The following FAM185A variants were observed in gnomAD, a reference collection of about 807,000 sequenced individuals.
FAM185A encodes family with sequence similarity 185 member A, also known as protein FAM185A.
FAM185A carries 21 observed loss-of-function variants against 45.7 expected under a neutral mutation model. That is an observed-to-expected ratio of 0.46 (90% CI 0.33 to 0.66). FAM185A has a LOEUF of 0.66. Ranked by LOEUF, FAM185A falls within the 30% of genes least tolerant of loss-of-function variation. The probability of loss-of-function intolerance (pLI) is 0.03; values close to 1 mark genes in which losing one functional copy is unlikely to be tolerated. For missense variants in FAM185A, 305 were observed against 485.4 expected (o/e 0.63, Z 3.49); for synonymous variants, 117 against 194.0 (o/e 0.60, Z 3.30).
chr7:102,803,496 A>G (rs1796919503), intron 7 of FAM185A, among the ~76,000 whole-genome samples: 1 of 152,236 alleles, frequency 6.6e-6, no homozygotes, highest in Admixed American at 6.5e-5. Context: ...TTATGATTAA[A>G]ACTCTCAGCA....
At chr7:102,774,129 C>T (rs1794915066) in intron 5 of FAM185A, among the ~76,000 whole-genome samples, 1 of 152,100 alleles carries the variant, frequency 6.6e-6, no homozygotes, top group Admixed American at 6.6e-5. Context: ...TAATTTTTCT[C>T]AGCATTGCTT....
At chr7:102,758,544 C>G (rs1444898289) in intron 3 of FAM185A, among the ~76,000 whole-genome samples, 2 of 142,812 alleles carry the variant, frequency 1.4e-5, no homozygotes, top group Non-Finnish European at 3.0e-5. Context: ...GGTTATTTAG[C>G]ATAGTATTAA....
At chr7:102,797,497 GT>G (rs926316242) in intron 7 of FAM185A, among the ~76,000 whole-genome samples, 19 of 152,292 alleles carry the variant, frequency 1.2e-4, no homozygotes, top group African/African-American at 4.1e-4. Context: ...AAAAAAGAAC[GT>G]TGACAAAATT....
chr7:102,800,919 T>G (rs191631502), intron 7 of FAM185A, among the ~76,000 whole-genome samples: 236 of 152,306 alleles, frequency 1.5e-3, no homozygotes, highest in Admixed American at 3.1e-3. Flanking sequence ...GATCTTCTCG[T>G]AGGCACATTG....
chr7:102,792,659 A>G (rs1189948944), intron 7 of FAM185A, among the ~76,000 whole-genome samples: 2 of 127,360 alleles, frequency 1.6e-5, no homozygotes, highest in Non-Finnish European at 3.3e-5. Flanking sequence ...CAGTGAACGG[A>G]TTGGTGTTTG....
intron 7 of FAM185A, among the ~76,000 whole-genome samples, chr7:102,788,988 C>A (rs1795990655): frequency 6.6e-6 from 1 of 152,136 alleles, no homozygotes; most frequent in African/African-American, 2.4e-5. Context: ...CTGAGTGAGT[C>A]AGTATGATGA....
intron 7 of FAM185A, among the ~76,000 whole-genome samples, chr7:102,800,104 C>G (rs1393251378): frequency 6.6e-6 from 1 of 152,148 alleles, no homozygotes; most frequent in Admixed American, 6.5e-5. Context: ...CCCGTACCAG[C>G]CCAGAGCCTG....
chr7:102,749,613 A>G lies in FAM185A; in HGVS notation c.406A>G (p.Ile136Val), dbSNP rs1449324151. The change falls in exon 1 of 8, where the codon ATC (isoleucine) becomes GTC (valine). Residue 136 changes from isoleucine to valine, a missense_variant. Physicochemically the swap from Ile to Val is conservative, Grantham distance 29 (BLOSUM62 3). This residue lies in a region of FAM185A where 174 missense variants were observed against 247.1 expected (regional missense o/e 0.70). Coordinates refer to ENST00000413034, the MANE Select transcript of FAM185A (RefSeq NM_001145268.2). ...GGAGATGGCCATTGTGTCTGATACTATCCACCCCCAGGCGTCCGTGGAGGT... is the reference window on the plus strand; with the variant it reads ...GGAGATGGCCATTGTGTCTGATACTGTCCACCCCCAGGCGTCCGTGGAGGT... ...LEEMAIVSDT[I>V]HPQASVEVNA... The G allele has an allele frequency of 5.3e-6, 8 of 1,511,356 alleles. No homozygotes were observed. The highest frequency in any genetic ancestry group is 4.9e-5 in the East Asian group (2 of 40,700). The allele number at this position is 1,511,356 out of a possible 1,614,324, so 93.6% of individuals were successfully genotyped here.
At chr7:102,793,472 G>A (rs1218930693) in intron 7 of FAM185A, among the ~76,000 whole-genome samples, 1 of 152,072 alleles carries the variant, frequency 6.6e-6, no homozygotes, top group Non-Finnish European at 1.5e-5. Context: ...GCCTCCCAAA[G>A]TGCTGGGATT....
At chr7:102,808,060 C>CAAACAAAACAAAACA (rs769123850) in intron 7 of FAM185A, among the ~76,000 whole-genome samples, 6 of 152,238 alleles carry the variant, frequency 3.9e-5, no homozygotes, top group African/African-American at 1.4e-4. Context: ...CACTATGTCT[C>CAAACAAAACAAAACA]AAACAAAACA....
intron 4 of FAM185A, among the ~76,000 whole-genome samples, chr7:102,763,214 G>A (rs1794209542): frequency 6.6e-6 from 1 of 152,146 alleles, no homozygotes; most frequent in African/African-American, 2.4e-5. Flanking sequence ...AAAGTACTTA[G>A]GTCTGTTGAT....
chr7:102,801,539 G>A (rs186959508), intron 7 of FAM185A, among the ~76,000 whole-genome samples: 1 of 152,148 alleles, frequency 6.6e-6, no homozygotes, highest in Non-Finnish European at 1.5e-5. Context: ...TAAAGGGGTG[G>A]AAAAAGGCAT....
At chr7:102,832,094 C>T in the FAM185A span, among the ~76,000 whole-genome samples, 6 of 152,214 alleles carry the variant, frequency 3.9e-5, no homozygotes, top group East Asian at 3.9e-4. Flanking sequence ...AAAATACCAG[C>T]GATGGTTATG....
At chr7:102,772,581 G>T in intron 5 of FAM185A, 131 bp downstream of exon 5, 1 of 545,804 alleles carries the variant, frequency 1.8e-6, no homozygotes, top group Non-Finnish European at 3.1e-6. Flanking sequence ...GTCAAATATA[G>T]GCAGAACCAA....
In FAM185A at chr7:102,808,801, T is replaced by G. The variant is rs924179970; in HGVS notation, c.*399T>G. The G allele has an allele frequency of 4.0e-5, 7 of 173,758 alleles. No individual in the cohort carries two copies. The highest frequency in any genetic ancestry group is 6.2e-5 in the Non-Finnish European group (5 of 81,086). The allele number at this position is 173,758 out of a possible 1,614,324, so 10.8% of individuals were successfully genotyped here. A position where few individuals can be genotyped will look rare whatever the true frequency, so the allele number is the denominator to read the frequency against. On this transcript the variant is annotated 3_prime_UTR_variant, in exon 8 of 8. Coordinates refer to ENST00000413034, the MANE Select transcript of FAM185A (RefSeq NM_001145268.2). ...TGGATGACTGAGGTCTCCATTTTCT[T>G]GCTGGCTGTCAGCCAGCAATCACTC... is the stretch of plus-strand genomic sequence containing the variant.
At chr7:102,820,892 T>G in the FAM185A span, among the ~76,000 whole-genome samples, 1 of 152,230 alleles carries the variant, frequency 6.6e-6, no homozygotes. Context: ...TTTCAACACA[T>G]GAACTTGGGG....
chr7:102,833,494 G>A, the FAM185A span, among the ~76,000 whole-genome samples: 6 of 147,308 alleles, frequency 4.1e-5, no homozygotes, highest in Admixed American at 2.7e-4. Flanking sequence ...GTGCAATGGT[G>A]CAATCTGAGC....
At chr7:102,837,706 G>A in the FAM185A span, among the ~76,000 whole-genome samples, 9 of 152,074 alleles carry the variant, frequency 5.9e-5, no homozygotes, top group East Asian at 1.7e-3. Context: ...ACCATGCCTG[G>A]CTCATTTTTT....
intron 4 of FAM185A, among the ~76,000 whole-genome samples, chr7:102,764,900 G>A (rs1205527531): frequency 6.6e-6 from 1 of 152,106 alleles, no homozygotes; most frequent in African/African-American, 2.4e-5. Context: ...CTTTCTTTTT[G>A]GTGGATTTTA....
Sources: gnomAD v4.1 joint callset for allele counts (sites outside exome capture counted in the v4.1 genomes callset) on GRCh38, gnomAD v4.1.1 for gene constraint, gnomAD v4.1.1 regional missense constraint, MANE v1.5 for transcripts, NCBI Gene and HGNC (gene_info 2026-07-23, HGNC 2026-07-21) for gene names.